The following RBPJ variants were observed in gnomAD, a reference collection of about 807,000 sequenced individuals.
The protein encoded by RBPJ is recombining binding protein suppressor of hairless.
RBPJ carries 9 observed loss-of-function variants against 67.8 expected under a neutral mutation model. That is an observed-to-expected ratio of 0.13 (90% CI 0.08 to 0.23). The LOEUF is 0.23. RBPJ is among the 10% of genes least tolerant of loss of function. RBPJ has a pLI of 1.00. For synonymous variants in RBPJ, 198 were observed against 203.3 expected (o/e 0.97, Z 0.22); for missense variants, 305 against 595.6 (o/e 0.51, Z 5.08).
the RBPJ span, among the ~76,000 whole-genome samples, chr4:26,114,478 C>CATATATATATATATATAT: frequency 1.2e-3 from 146 of 123,124 alleles, 2 homozygotes; most frequent in South Asian, 3.3e-3. Context: ...AAAGAATGTA[C>CATATATATATATATATAT]ATATATATAT....
intron 1 of RBPJ, among the ~76,000 whole-genome samples, chr4:26,239,402 G>T (rs1186033263): frequency 6.6e-6 from 1 of 152,198 alleles, no homozygotes; most frequent in Non-Finnish European, 1.5e-5. Flanking sequence ...GAAAGCACTG[G>T]TAACACTTTG....
intron 1 of RBPJ, among the ~76,000 whole-genome samples, chr4:26,261,231 A>G (rs1299116417): frequency 1.3e-5 from 2 of 152,198 alleles, no homozygotes; most frequent in African/African-American, 4.8e-5. Context: ...GAGATTGCCA[A>G]AAAGAAAAGT....
chr4:26,120,607 A>G, the RBPJ span, among the ~76,000 whole-genome samples: 2 of 151,596 alleles, frequency 1.3e-5, no homozygotes, highest in South Asian at 2.1e-4. Flanking sequence ...CCTTGGCACC[A>G]TATTGCTCAA....
Position 26,238,891 on chromosome 4 carries a change from T to C in RBPJ, c.-167+75277T>C, listed in dbSNP as rs562275682. ...CGGCGGCTGTAAGACGCCAGCTTTG[T>C]TGGAACAAAGCAGCAGGTGAGAGAG... On this transcript the variant is annotated intron_variant, in intron 1 of 4. Coordinates refer to the RBPJ transcript ENST00000512351. Among the ~76,000 whole-genome samples the C allele has an allele frequency of 1.2e-3, 190 of 152,082 alleles. 2 individuals carry two copies. Among genetic ancestry groups the C allele is most frequent in the African/African-American group, 4.5e-3 (185 of 41,484 alleles).
At chr4:26,248,206 G>A (rs1264854908) in intron 1 of RBPJ, among the ~76,000 whole-genome samples, 1 of 152,012 alleles carries the variant, frequency 6.6e-6, no homozygotes, top group African/African-American at 2.4e-5. Flanking sequence ...CAGGAGAATC[G>A]CTTGAACCTG....
chr4:26,196,433 AAGG>A (rs1259174299), intron 1 of RBPJ, among the ~76,000 whole-genome samples: 7 of 152,200 alleles, frequency 4.6e-5, no homozygotes, highest in Non-Finnish European at 8.8e-5. Flanking sequence ...ACTGAGGGGA[AAGG>A]AGGAGCAGGT....
intron 1 of RBPJ, among the ~76,000 whole-genome samples, chr4:26,193,467 T>G (rs1180037177): frequency 6.6e-6 from 1 of 152,278 alleles, no homozygotes; most frequent in East Asian, 1.9e-4. Context: ...AATTTCCCCT[T>G]TCTTCTTTGT....
At chr4:26,316,827 C>CATT (rs1722664366), upstream of RBPJ, among the ~76,000 whole-genome samples, 15 of 71,388 alleles carry the variant, frequency 2.1e-4, 5 homozygotes, top group Non-Finnish European at 2.3e-4. Flanking sequence ...ACCCAGACGA[C>CATT]TTTTTTTTTT....
At chr4:26,226,536 T>C (rs768342068) in intron 1 of RBPJ, among the ~76,000 whole-genome samples, 15 of 152,136 alleles carry the variant, frequency 9.9e-5, no homozygotes, top group Non-Finnish European at 1.6e-4. Context: ...GAATTAGAGA[T>C]GCTAACACCC....
At chr4:26,155,560 G>A in the RBPJ span, among the ~76,000 whole-genome samples, 5 of 151,146 alleles carry the variant, frequency 3.3e-5, no homozygotes, top group African/African-American at 9.7e-5. Flanking sequence ...TCAGCCTCCC[G>A]AGTAGCTGGG....
intron 1 of RBPJ, among the ~76,000 whole-genome samples, chr4:26,181,855 C>G (rs1717010259): frequency 6.6e-6 from 1 of 152,160 alleles, no homozygotes; most frequent in Non-Finnish European, 1.5e-5. Flanking sequence ...CTGGAAGTTG[C>G]TCTGGGTGAG....
the RBPJ span, among the ~76,000 whole-genome samples, chr4:26,140,274 G>A: frequency 2.0e-5 from 3 of 152,202 alleles, no homozygotes; most frequent in Admixed American, 6.5e-5. Context: ...CCAGGCTGTG[G>A]CACAAACCAC....
chr4:26,215,217 AAAAAGAGAG>A (rs202196324), intron 1 of RBPJ, among the ~76,000 whole-genome samples: 1,954 of 21,832 alleles, frequency 0.09, 365 homozygotes, highest in Non-Finnish European at 0.13. Flanking sequence ...AAAGAAAGAG[AAAAAGAGAG>A]AAAAGAGAGA....
chr4:26,201,241 C>T (rs1297228386), intron 1 of RBPJ, among the ~76,000 whole-genome samples: 3 of 152,170 alleles, frequency 2.0e-5, no homozygotes, highest in Non-Finnish European at 2.9e-5. Flanking sequence ...CCTCTGGGAT[C>T]TGTCCTCCTG....
the RBPJ span, among the ~76,000 whole-genome samples, chr4:26,140,456 C>T: frequency 6.6e-6 from 1 of 152,150 alleles, no homozygotes; most frequent in Non-Finnish European, 1.5e-5. Context: ...GTGTCACTCT[C>T]CCCCAACTTG....
intron 1 of RBPJ, 24 bp from the exon 2 acceptor site, chr4:26,386,329 T>C (rs760710252): frequency 2.4e-5 from 36 of 1,530,346 alleles, no homozygotes; most frequent in African/African-American, 3.2e-5. Context: ...CTTAACTTTA[T>C]TTTCTTTATT....
At chr4:26,177,091 C>A (rs1716819585) in intron 1 of RBPJ, among the ~76,000 whole-genome samples, 1 of 152,064 alleles carries the variant, frequency 6.6e-6, no homozygotes, top group East Asian at 1.9e-4. Flanking sequence ...GGGTGTGTGC[C>A]GCTCCTAGAT....
intron 1 of RBPJ, among the ~76,000 whole-genome samples, chr4:26,176,360 C>G (rs1053848830): frequency 2.6e-5 from 4 of 152,086 alleles, no homozygotes; most frequent in African/African-American, 9.7e-5. Flanking sequence ...GAGTTTAAAA[C>G]CAGTGCTGGT....
In RBPJ at chr4:26,285,982, G is replaced by T. The variant is rs1041229643; in HGVS notation, c.-166-76464G>T. 1.1e-4 allele frequency among the ~76,000 whole-genome samples: 16 copies of T among 141,042 alleles called. 1 individual carries two copies. Among genetic ancestry groups the T allele is most frequent in the African/African-American group, 4.0e-4 (16 of 40,150 alleles). The allele number at this position is 141,042 out of a possible 152,430, so 92.5% of individuals were successfully genotyped here. A position where few individuals can be genotyped will look rare whatever the true frequency, so the allele number is the denominator to read the frequency against. On this transcript the variant is annotated intron_variant, in intron 1 of 4. Coordinates refer to the RBPJ transcript ENST00000512351. ...TTTTAAAAATTAGCCGGGCTTAGTG[G>T]CGTATGCCTGTAGTCCTAGCTGCTC...
Sources: allele counts gnomAD v4.1 joint callset (sites outside exome capture counted in the v4.1 genomes callset), GRCh38; gene constraint gnomAD v4.1.1; transcripts MANE v1.5; gene names NCBI Gene and HGNC (gene_info 2026-07-23, HGNC 2026-07-21).